AFF3: variants seen among roughly 807,000 people sequenced by gnomAD.
The protein encoded by AFF3 is ALF transcription elongation factor 3.
AFF3 carries 32 observed loss-of-function variants against 129.7 expected under a neutral mutation model. The observed-to-expected ratio is 0.25, with a 90% CI of 0.19 to 0.33. The LOEUF (loss-of-function observed/expected upper bound fraction) is 0.33, where lower values mean the gene tolerates loss of function less well. Among genes scored for constraint, AFF3 ranks in the 10% least tolerant of loss-of-function variants. The pLI is 1.00. For missense variants in AFF3, 1,373 were observed against 1,592.0 expected, an observed-to-expected ratio of 0.86 and a Z score of 2.34; for synonymous variants, 644 against 635.4, an observed-to-expected ratio of 1.01 and a Z score of -0.20.
chr2:99,901,642 C>A (rs1694350413), intron 7 of AFF3, among the ~76,000 whole-genome samples: 1 of 152,202 alleles, frequency 6.6e-6, no homozygotes, highest in Non-Finnish European at 1.5e-5. Context: ...TCCAGTCTTT[C>A]TGAAGAGCCA....
At chr2:100,060,675 A>G (rs1014851147) in intron 4 of AFF3, among the ~76,000 whole-genome samples, 1 of 152,208 alleles carries the variant, frequency 6.6e-6, no homozygotes, top group Non-Finnish European at 1.5e-5. Context: ...GATAGTGCAG[A>G]GAACCCTTGT....
intron 1 of AFF3, among the ~76,000 whole-genome samples, chr2:100,133,711 T>A (rs1692523032): frequency 6.6e-6 from 1 of 152,106 alleles, no homozygotes; most frequent in Admixed American, 6.5e-5. Context: ...GGTGGGCAGA[T>A]CATGAGGTCA....
At chr2:99,922,532 T>C (rs1464144265) in intron 7 of AFF3, among the ~76,000 whole-genome samples, 1 of 152,150 alleles carries the variant, frequency 6.6e-6, no homozygotes, top group Non-Finnish European at 1.5e-5. Context: ...GGACAACCTA[T>C]GGTGACAGTA....
At chr2:99,638,850 T>C (rs1683921011) in intron 13 of AFF3, among the ~76,000 whole-genome samples, 1 of 152,194 alleles carries the variant, frequency 6.6e-6, no homozygotes, top group Admixed American at 6.5e-5. Flanking sequence ...ATTAAGTACA[T>C]GTATGTTGTT....
intron 10 of AFF3, among the ~76,000 whole-genome samples, chr2:99,733,493 C>T (rs1270120374): frequency 6.6e-6 from 1 of 151,408 alleles, no homozygotes; most frequent in Non-Finnish European, 1.5e-5. Flanking sequence ...TTTTAATGTA[C>T]TCAAATTTAT....
At chr2:100,119,747 C>T (rs1036459802) in intron 2 of AFF3, among the ~76,000 whole-genome samples, 2 of 152,158 alleles carry the variant, frequency 1.3e-5, no homozygotes, top group African/African-American at 4.8e-5. Context: ...TAATCTGAGG[C>T]CTCAAGCCAG....
chr2:99,906,844 TACACACACACAC>T (rs56113249), intron 7 of AFF3, among the ~76,000 whole-genome samples: 63 of 146,446 alleles, frequency 4.3e-4, no homozygotes, highest in African/African-American at 1.5e-3. Flanking sequence ...CTATCCATAT[TACACACACACAC>T]ACACACACAC....
At chr2:99,732,481 T>G (rs181109665) in intron 10 of AFF3, among the ~76,000 whole-genome samples, 8 of 152,206 alleles carry the variant, frequency 5.3e-5, no homozygotes, top group Admixed American at 2.0e-4. Context: ...CTAAACTTCA[T>G]ACGACTCTAA....
intron 7 of AFF3, among the ~76,000 whole-genome samples, chr2:99,948,866 A>G (rs959416665): frequency 2.0e-5 from 3 of 152,240 alleles, no homozygotes; most frequent in African/African-American, 7.2e-5. Flanking sequence ...AGCAATATGA[A>G]TACTGGGAAA....
At chr2:99,890,964 A>G (rs1281030988) in intron 7 of AFF3, among the ~76,000 whole-genome samples, 1 of 152,198 alleles carries the variant, frequency 6.6e-6, no homozygotes, top group Non-Finnish European at 1.5e-5. Flanking sequence ...ACAGATCAGG[A>G]GATAACTGCC....
chr2:99,953,022 A>G (rs1019796585), intron 7 of AFF3, among the ~76,000 whole-genome samples: 4 of 152,262 alleles, frequency 2.6e-5, no homozygotes, highest in Non-Finnish European at 5.9e-5. Flanking sequence ...CCTGAGGTCC[A>G]GTAAGCACCA....
intron 7 of AFF3, among the ~76,000 whole-genome samples, chr2:99,881,949 A>G (rs1692749999): frequency 6.6e-6 from 1 of 152,238 alleles, no homozygotes; most frequent in Non-Finnish European, 1.5e-5. Context: ...ACACAACAGA[A>G]GTGACTGAAC....
intron 13 of AFF3, among the ~76,000 whole-genome samples, chr2:99,642,401 G>C (rs754396555): frequency 6.6e-6 from 1 of 151,630 alleles, no homozygotes; most frequent in Non-Finnish European, 1.5e-5. Flanking sequence ...AAGCAGGCAT[G>C]AACACCTCTT....
At chr2:99,892,320 T>C (rs1183456762) in intron 7 of AFF3, among the ~76,000 whole-genome samples, 1 of 152,234 alleles carries the variant, frequency 6.6e-6, no homozygotes, top group Non-Finnish European at 1.5e-5. Flanking sequence ...TTGAAAATAA[T>C]ATGTAGCTTA....
At chr2:99,776,034 G>A (rs1221337943) in intron 8 of AFF3, among the ~76,000 whole-genome samples, 1 of 152,088 alleles carries the variant, frequency 6.6e-6, no homozygotes, top group Non-Finnish European at 1.5e-5. Flanking sequence ...ACAGTAGAAC[G>A]ATAAAATAAT....
At chr2:99,600,106 G>A (rs985979516) in intron 14 of AFF3, among the ~76,000 whole-genome samples, 2 of 152,166 alleles carry the variant, frequency 1.3e-5, no homozygotes, top group African/African-American at 4.8e-5. Flanking sequence ...ATAGGTTAAT[G>A]TTGCTAAGAG....
At chr2:99,770,121 G>A (rs931651200) in intron 8 of AFF3, among the ~76,000 whole-genome samples, 1 of 152,188 alleles carries the variant, frequency 6.6e-6, no homozygotes, top group African/African-American at 2.4e-5. Flanking sequence ...CTAGGAGCCA[G>A]GGACTGAAGA....
In AFF3 at chr2:100,013,242, T is replaced by G. The variant is rs1217856918; in HGVS notation, c.54-4310A>C. 2.0e-5 allele frequency among the ~76,000 whole-genome samples: 3 copies of G among 152,324 alleles called. No homozygotes were observed. In the East Asian group the frequency reaches 5.8e-4, roughly 29 times the overall value. On this transcript the variant is annotated intron_variant, in intron 4 of 24. Coordinates refer to ENST00000672756, the MANE Select transcript of AFF3 (RefSeq NM_001386135.1). ...AGAAATAGACGTCTAAACATGAAACTGTCATCATTTCCAAAATTCATCTAT... is the reference window on the plus strand; with the variant it reads ...AGAAATAGACGTCTAAACATGAAACGGTCATCATTTCCAAAATTCATCTAT...
At chr2:100,117,311 G>T (rs1691770474) in intron 2 of AFF3, among the ~76,000 whole-genome samples, 1 of 151,934 alleles carries the variant, frequency 6.6e-6, no homozygotes, top group Non-Finnish European at 1.5e-5. Context: ...ACTTTCTCTT[G>T]TGAAATTTTA....
Sources: gnomAD v4.1 joint callset for allele counts (sites outside exome capture counted in the v4.1 genomes callset) on GRCh38, gnomAD v4.1.1 for gene constraint, MANE v1.5 for transcripts, NCBI Gene and HGNC (gene_info 2026-07-23, HGNC 2026-07-21) for gene names.